GPD2: variants seen among roughly 807,000 people sequenced by gnomAD.
GPD2 encodes glycerol-3-phosphate dehydrogenase 2.
A neutral mutation model predicts 82.4 loss-of-function variants in GPD2; 54 were observed. The observed-to-expected ratio is 0.66, with a 90% CI of 0.53 to 0.82. GPD2 has a LOEUF of 0.82. GPD2 is among the 40% of genes least tolerant of loss of function. The pLI, the probability that GPD2 is intolerant of heterozygous loss-of-function variation, is 0.00. For synonymous variants in GPD2, 288 were observed against 306.1 expected (o/e 0.94, Z 0.62); for missense variants, 748 against 896.2 (o/e 0.83, Z 2.11).
At position 156,585,690 on chromosome 2, in the gene GPD2, C is replaced by T. The variant is rs1345213472; in HGVS notation, c.*2772C>T. The T allele has an allele frequency of 6.6e-6, 1 of 152,420 alleles. No homozygotes were observed. The highest frequency in any genetic ancestry group is 1.5e-5 in the Non-Finnish European group (1 of 67,952). 9.4% of individuals were successfully genotyped at this position (152,420 alleles called of 1,614,324 possible). ...TTGTACAACAAAAAACTCATTCTCACTTTTACTAAATATACTGTAGGAGTC... is the reference window on the plus strand; with the variant it reads ...TTGTACAACAAAAAACTCATTCTCATTTTTACTAAATATACTGTAGGAGTC... On this transcript the variant is annotated 3_prime_UTR_variant, in exon 17 of 17. Transcript: ENST00000438166.
At chr2:156,403,963 G>GA in the GPD2 span, among the ~76,000 whole-genome samples, 4 of 152,170 alleles carry the variant, frequency 2.6e-5, no homozygotes, top group Non-Finnish European at 4.4e-5. Context: ...TTGTCCAGAA[G>GA]AAAGAGACAA....
At chr2:156,555,238 A>G (rs1202266164) in intron 8 of GPD2, among the ~76,000 whole-genome samples, 2 of 152,182 alleles carry the variant, frequency 1.3e-5, no homozygotes, top group Non-Finnish European at 2.9e-5. Context: ...TTTGTCACAT[A>G]TGTCTTCACT....
chr2:156,524,512 C>G (rs888779291), intron 6 of GPD2, among the ~76,000 whole-genome samples: 2 of 152,174 alleles, frequency 1.3e-5, no homozygotes, highest in South Asian at 4.1e-4. Context: ...TCTGGCACCT[C>G]TTTCACCATG....
At chr2:156,407,696 T>C in the GPD2 span, among the ~76,000 whole-genome samples, 1 of 152,152 alleles carries the variant, frequency 6.6e-6, no homozygotes, top group Non-Finnish European at 1.5e-5. Context: ...AATCTTTTGC[T>C]AGTAGGAACA....
chr2:156,484,299 C>G (rs1683850918), intron 2 of GPD2, among the ~76,000 whole-genome samples: 1 of 151,756 alleles, frequency 6.6e-6, no homozygotes, highest in Non-Finnish European at 1.5e-5. Flanking sequence ...CCACGGCCGG[C>G]TAATTTTTGT....
chr2:156,447,220 C>G (rs905005935), intron 1 of GPD2, among the ~76,000 whole-genome samples: 7 of 152,194 alleles, frequency 4.6e-5, no homozygotes, highest in African/African-American at 1.7e-4. Context: ...CTCTCTTTCT[C>G]CTTTCCTTCA....
In GPD2 at chr2:156,512,308, C is replaced by T; in HGVS notation, c.488C>T (p.Pro163Leu). 6.5e-7 allele frequency: 1 copy of T among 1,547,540 alleles called. No homozygotes were observed. Among genetic ancestry groups the T allele is most frequent in the Non-Finnish European group, 8.9e-7 (1 of 1,119,314 alleles). Residue 163 changes from proline to leucine, a missense_variant, in exon 5 of 17, where the codon CCA becomes CTA. Physicochemically the swap from Pro to Leu is moderately conservative, Grantham distance 98. Around this residue, in one of 3 missense-constraint regions of GPD2, gnomAD observed 692 missense variants for 809.7 expected, o/e 0.85. Coordinates refer to ENST00000438166, the MANE Select transcript of GPD2 (RefSeq NM_000408.5). ...TCAGCTCCATTGCCTATAATGCTTC[C>T]AGTTTACAAGTAAGCCTTTTGATAT... is the stretch of plus-strand genomic sequence containing the variant. ...HLSAPLPIML[P>L]VYKWWQLPYY... is the part of the protein sequence containing the mutation.
intron 6 of GPD2, among the ~76,000 whole-genome samples, chr2:156,533,794 T>C (rs939172451): frequency 6.6e-6 from 1 of 152,226 alleles, no homozygotes; most frequent in Non-Finnish European, 1.5e-5. Context: ...GTGTGGCTCA[T>C]CTGTTCGGCC....
At chr2:156,424,377 AGTGTTCTAGG>A in the GPD2 span, among the ~76,000 whole-genome samples, 1 of 152,226 alleles carries the variant, frequency 6.6e-6, no homozygotes, top group Non-Finnish European at 1.5e-5. Flanking sequence ...GATAATGTTT[AGTGTTCTAGG>A]ATAATTATTA....
chr2:156,512,121 G>A (rs1484092679), intron 4 of GPD2, 99 bp from the exon 5 acceptor site: 6 of 755,566 alleles, frequency 7.9e-6, no homozygotes, highest in Non-Finnish European at 9.8e-6. Context: ...AGAGATAGAA[G>A]GTTTCTGTGT....
chr2:156,427,150 A>G, the GPD2 span, among the ~76,000 whole-genome samples: 1 of 152,208 alleles, frequency 6.6e-6, no homozygotes, highest in Non-Finnish European at 1.5e-5. Flanking sequence ...AACTCAGCAA[A>G]GGAATGGCCT....
intron 8 of GPD2, among the ~76,000 whole-genome samples, chr2:156,553,494 C>A (rs1179686497): frequency 2.0e-5 from 3 of 151,554 alleles, no homozygotes; most frequent in Non-Finnish European, 4.4e-5. Flanking sequence ...CCCCTGTAGA[C>A]AAAAATAAAT....
intron 7 of GPD2, 59 bp from the exon 8 acceptor site, chr2:156,550,543 C>G: frequency 1.3e-6 from 2 of 1,540,620 alleles, no homozygotes; most frequent in Non-Finnish European, 1.8e-6. Context: ...TAGTAATACA[C>G]AGCATCCGTT....
intron 6 of GPD2, among the ~76,000 whole-genome samples, chr2:156,543,037 TC>T (rs1420898051): frequency 2.0e-5 from 3 of 152,162 alleles, no homozygotes; most frequent in African/African-American, 7.2e-5. Context: ...TTAAAGACAT[TC>T]GTTAATCTGC....
chr2:156,404,384 C>A, the GPD2 span, among the ~76,000 whole-genome samples: 3 of 151,902 alleles, frequency 2.0e-5, no homozygotes, highest in Non-Finnish European at 4.4e-5. Flanking sequence ...AAGACCATGT[C>A]TCTAAAAAAC....
At chr2:156,452,341 T>A (rs962988107) in intron 1 of GPD2, among the ~76,000 whole-genome samples, 1 of 152,228 alleles carries the variant, frequency 6.6e-6, no homozygotes, top group Non-Finnish European at 1.5e-5. Flanking sequence ...CACTCGCGGT[T>A]AGGAGCTGGA....
At chr2:156,414,052 T>G in the GPD2 span, among the ~76,000 whole-genome samples, 1 of 152,234 alleles carries the variant, frequency 6.6e-6, no homozygotes. Flanking sequence ...CACTTCTGCT[T>G]AAATAACTTT....
intron 1 of GPD2, among the ~76,000 whole-genome samples, chr2:156,451,754 C>T (rs897471452): frequency 3.3e-5 from 5 of 150,642 alleles, no homozygotes; most frequent in Non-Finnish European, 7.4e-5. Context: ...CTGACCCCCC[C>T]ACCTCCCTCC....
At position 156,476,197 on chromosome 2, in the gene GPD2, G is replaced by C; in HGVS notation, c.92G>C (p.Arg31Thr). The C allele has an allele frequency of 1.3e-6, 2 of 1,569,046 alleles. No individual in the cohort carries two copies. The highest frequency in any genetic ancestry group is 3.3e-5 in the Admixed American group (2 of 59,960). Reference protein sequence around the residue: ...VLGLSQFAHYRRKQMNLAYVK... With the variant: ...VLGLSQFAHYTRKQMNLAYVK... Reference sequence around the variant, plus strand: ...GGACTTTCTCAGTTTGCTCATTACAGAAGGAAACAAGTAAGTAACTGTACT... The same window carrying C: ...GGACTTTCTCAGTTTGCTCATTACACAAGGAAACAAGTAAGTAACTGTACT... The change falls in exon 2 of 17, where the codon AGA becomes ACA. Residue 31 changes from arginine (R) to threonine (T), a missense_variant. By Grantham distance (71) the Arg-to-Thr change is moderately conservative. This residue lies in a region of GPD2 where 692 missense variants were observed against 809.7 expected (regional missense o/e 0.85). Transcript: ENST00000438166.
Sources: allele counts gnomAD v4.1 joint callset (sites outside exome capture counted in the v4.1 genomes callset), GRCh38; gene constraint gnomAD v4.1.1; regional missense constraint gnomAD v4.1.1; transcripts MANE v1.5; gene names NCBI Gene and HGNC (gene_info 2026-07-23, HGNC 2026-07-21).